The following GRIK4 variants were observed in gnomAD, a reference collection of about 807,000 sequenced individuals.
The protein encoded by GRIK4 is glutamate receptor ionotropic, kainate 4.
Under a neutral mutation model 104.9 loss-of-function variants are expected in GRIK4, and 40 were observed. The ratio of observed to expected loss-of-function variants is 0.38; its 90% CI spans 0.30 to 0.50. The LOEUF (loss-of-function observed/expected upper bound fraction) is 0.50, where lower values mean the gene tolerates loss of function less well. GRIK4 is among the 20% of genes least tolerant of loss of function. The pLI is 0.93. For missense variants in GRIK4, 1,047 were observed against 1,308.1 expected, an observed-to-expected ratio of 0.80 and a Z score of 3.08; for synonymous variants, 485 against 524.9, an observed-to-expected ratio of 0.92 and a Z score of 1.04.
chr11:120,528,711 G>C (rs940289465), intron 1 of GRIK4, among the ~76,000 whole-genome samples: 1 of 152,192 alleles, frequency 6.6e-6, no homozygotes. Flanking sequence ...AGCAGGCAAA[G>C]AGAGAGCTTG....
Position 120,767,225 on chromosome 11 carries a change from T to C in GRIK4, c.83-35468T>C, listed in dbSNP as rs1355527440. On this transcript the variant is annotated intron_variant, in intron 3 of 20. Coordinates refer to ENST00000527524, the MANE Select transcript of GRIK4 (RefSeq NM_014619.5). Reference sequence around the variant, plus strand: ...CCTTGCCAACACTTGTTATCTTTTGTCTATTTGATAATAGCCATTTTTACA... The same window carrying C: ...CCTTGCCAACACTTGTTATCTTTTGCCTATTTGATAATAGCCATTTTTACA... Among the ~76,000 whole-genome samples the C allele has an allele frequency of 3.3e-5, 5 of 152,210 alleles. No individual in the cohort carries two copies. The East Asian group carries it at 9.6e-4, about 29-fold the overall frequency.
intron 1 of GRIK4, among the ~76,000 whole-genome samples, chr11:120,515,883 T>A (rs553099941): frequency 4.6e-5 from 7 of 152,306 alleles, no homozygotes; most frequent in Admixed American, 2.6e-4. Context: ...GACTGCGTAC[T>A]CCGTTTGTTT....
rs570659275 is a variant in GRIK4 at position 120,838,646 on chromosome 11, A to G, written c.744+1802A>G. ...TAAGAGAATATTCTAGAAGCTTCTC[A>G]TGAGTGTGTTGGCTTTCTAAAAGGG... On this transcript the variant is annotated intron_variant, in intron 8 of 20. Transcript: ENST00000527524. 4.6e-5 allele frequency among the ~76,000 whole-genome samples: 7 copies of G among 152,372 alleles called. No homozygotes were observed. In the East Asian group the frequency reaches 7.7e-4, roughly 17 times the overall value.
In GRIK4 at chr11:120,517,411, C is replaced by T. The variant is rs558386902; in HGVS notation, c.-159+5524C>T. 8.1e-5 allele frequency among the ~76,000 whole-genome samples: 12 copies of T among 148,750 alleles called. No homozygotes were observed. In the South Asian group the frequency reaches 2.0e-3, roughly 24 times the overall value. On this transcript the variant is annotated intron_variant, in intron 1 of 20. Coordinates refer to ENST00000527524, the MANE Select transcript of GRIK4 (RefSeq NM_014619.5). ...CCTCAGTGTCCAGCCTCTTGGTGCC[C>T]GCTTGTGTTGTCAAAGTGAGGCTGG...
intron 20 of GRIK4, 57 bp from the exon 21 acceptor site, chr11:120,985,847 A>T (rs1225201101): frequency 1.3e-6 from 2 of 1,504,186 alleles, no homozygotes; most frequent in Non-Finnish European, 1.8e-6. Flanking sequence ...GCGGACTCGC[A>T]GGGGGCCCAC....
At chr11:120,518,331 A>G (rs1947755473) in intron 1 of GRIK4, among the ~76,000 whole-genome samples, 1 of 152,168 alleles carries the variant, frequency 6.6e-6, no homozygotes, top group African/African-American at 2.4e-5. Flanking sequence ...ATTAGTAGTT[A>G]TTATTGTGTT....
intron 5 of GRIK4, among the ~76,000 whole-genome samples, chr11:120,816,997 C>T (rs949344776): frequency 1.3e-5 from 2 of 152,186 alleles, no homozygotes; most frequent in Non-Finnish European, 2.9e-5. Context: ...GTGTAATTTA[C>T]ATCTTTCTTG....
intron 3 of GRIK4, among the ~76,000 whole-genome samples, chr11:120,771,066 C>T (rs1392711815): frequency 3.3e-5 from 5 of 152,086 alleles, no homozygotes; most frequent in Admixed American, 1.3e-4. Flanking sequence ...AACTTTGGAA[C>T]TGGGTAATGG....
intron 13 of GRIK4, among the ~76,000 whole-genome samples, chr11:120,910,340 G>T (rs1942963734): frequency 6.6e-6 from 1 of 152,210 alleles, no homozygotes; most frequent in Non-Finnish European, 1.5e-5. Flanking sequence ...GTCTTTTCCT[G>T]TAATCCCATT....
intron 9 of GRIK4, chr11:120,871,762 A>G (rs1027600885): frequency 4.4e-6 from 2 of 456,280 alleles, no homozygotes; most frequent in African/African-American, 4.0e-5. Context: ...GGAATAAAGC[A>G]AAGAAGCAAG....
In GRIK4 at chr11:120,875,165, C is replaced by T. The variant is rs2230297; in HGVS notation, c.1086C>T (p.His362=). The T allele has an allele frequency of 0.15, 247,876 of 1,607,356 alleles. 22,913 individuals are homozygous for T. Among genetic ancestry groups the T allele is most frequent in the East Asian group, 0.49 (22,058 of 44,798 alleles). ...TAGAATTGGAAGGTCTTACCGGCCA[C>T]ATTGAATTCAACAGCAAAGGCCAGA... ...RMVELEGLTG[H]IEFNSKGQRS... is the part of the protein sequence containing the mutation. The change falls in exon 11 of 21, where the codon CAC becomes CAT. Residue 362 remains histidine (H), a synonymous_variant. Transcript: ENST00000527524.
intron 3 of GRIK4, among the ~76,000 whole-genome samples, chr11:120,735,243 G>C (rs927694715): frequency 6.6e-6 from 1 of 152,102 alleles, no homozygotes; most frequent in African/African-American, 2.4e-5. Context: ...GTATTCAAAG[G>C]GACTTGGGCC....
At chr11:120,868,684 C>G (rs1051424699) in intron 9 of GRIK4, 2 of 151,984 alleles carry the variant, frequency 1.3e-5, no homozygotes, top group African/African-American at 4.8e-5. Flanking sequence ...TGGGTTCAAG[C>G]AATTCTCCTG....
chr11:120,663,925 C>T (rs184402372), intron 3 of GRIK4, among the ~76,000 whole-genome samples: 10 of 152,304 alleles, frequency 6.6e-5, no homozygotes, highest in Non-Finnish European at 1.3e-4. Flanking sequence ...CCTACCATTC[C>T]CCCATTCCCC....
intron 3 of GRIK4, among the ~76,000 whole-genome samples, chr11:120,691,395 T>G (rs1033152391): frequency 2.0e-5 from 3 of 152,162 alleles, no homozygotes; most frequent in Non-Finnish European, 4.4e-5. Flanking sequence ...CTTCGATGTG[T>G]GATTTCAGGG....
intron 3 of GRIK4, among the ~76,000 whole-genome samples, chr11:120,685,589 G>A (rs903090284): frequency 6.6e-6 from 1 of 152,142 alleles, no homozygotes; most frequent in African/African-American, 2.4e-5. Flanking sequence ...CCTGGGGCAG[G>A]CCGGCTTTTT....
intron 3 of GRIK4, among the ~76,000 whole-genome samples, chr11:120,796,204 T>G (rs886315780): frequency 6.6e-6 from 1 of 152,026 alleles, no homozygotes; most frequent in Non-Finnish European, 1.5e-5. Flanking sequence ...CCTGGCATAT[T>G]TTTTGTATTT....
intron 1 of GRIK4, among the ~76,000 whole-genome samples, chr11:120,599,471 G>A (rs1324599169): frequency 3.3e-5 from 5 of 152,146 alleles, no homozygotes; most frequent in East Asian, 1.9e-4. Flanking sequence ...CAGAGTTTCC[G>A]CCGTTATCTG....
chr11:120,819,818 C>T lies in GRIK4; in HGVS notation c.409C>T (p.Leu137=), dbSNP rs752892058. The T allele has an allele frequency of 6.0e-5, 97 of 1,613,958 alleles. No individual in the cohort carries two copies. The highest frequency in any genetic ancestry group is 7.5e-5 in the Non-Finnish European group (88 of 1,179,902). The part of the protein sequence containing the change: ...VKFQFQRFTT[L]NLHPSNTDIS... ...GTTCCAGTTCCAGAGATTCACAACC[C>T]TGAACCTCCACCCCAGCAACACTGA... Residue 137 remains leucine, a synonymous_variant, in exon 6 of 21, where the codon CTG becomes TTG. Transcript: ENST00000527524. The surrounding 1 kb of genome is among the most constrained non-coding windows in gnomAD (Gnocchi z 4.3).
Sources: allele counts gnomAD v4.1 joint callset (sites outside exome capture counted in the v4.1 genomes callset), GRCh38; gene constraint gnomAD v4.1.1; non-coding constraint Gnocchi (gnomAD v3.1); transcripts MANE v1.5; gene names NCBI Gene and HGNC (gene_info 2026-07-23, HGNC 2026-07-21).